ALOX5AP: variants seen among roughly 807,000 people sequenced by gnomAD.
ALOX5AP encodes the protein arachidonate 5-lipoxygenase activating protein.
A neutral mutation model predicts 18.5 loss-of-function variants in ALOX5AP; 9 were observed. The observed-to-expected ratio is 0.49, with a 90% confidence interval of 0.29 to 0.85. The LOEUF is 0.85. Ranked by LOEUF, ALOX5AP falls within the 40% of genes least tolerant of loss-of-function variation. The pLI, the probability that ALOX5AP is intolerant of heterozygous loss-of-function variation, is 0.08. For missense variants in ALOX5AP, 172 were observed against 202.5 expected, an observed-to-expected ratio of 0.85 and a Z score of 0.91; for synonymous variants, 81 against 78.6, an observed-to-expected ratio of 1.03 and a Z score of -0.16.
At chr13:30,743,913 T>A in intron 1 of ALOX5AP, 147 bp from the exon 2 acceptor site, 1 of 646,128 alleles carries the variant, frequency 1.5e-6, no homozygotes, top group Non-Finnish European at 2.8e-6. Context: ...GCTGAGTACG[T>A]TTCTGCTAAA....
At chr13:30,742,877 A>G (rs1452269625) in intron 1 of ALOX5AP, among the ~76,000 whole-genome samples, 1 of 30,918 alleles carries the variant, frequency 3.2e-5, no homozygotes, top group Non-Finnish European at 6.6e-5. Context: ...CCCACCCCCC[A>G]TCATCCAATC....
upstream of ALOX5AP, among the ~76,000 whole-genome samples, chr13:30,733,775 C>G (rs985824653): frequency 2.0e-5 from 3 of 152,190 alleles, no homozygotes; most frequent in African/African-American, 7.2e-5. Context: ...AGGGCAAATT[C>G]CCTCTTCTTC....
chr13:30,744,248 G>A (rs905441920), intron 2 of ALOX5AP, 89 bp downstream of exon 2: 6 of 1,185,284 alleles, frequency 5.1e-6, no homozygotes, highest in Non-Finnish European at 7.4e-6. Flanking sequence ...AATACCACAT[G>A]TCTGTCTGAG....
At chr13:30,725,421 G>A (rs2137792036) in intron 1 of ALOX5AP, among the ~76,000 whole-genome samples, 1 of 152,376 alleles carries the variant, frequency 6.6e-6, no homozygotes. Context: ...CTGTTGCCCA[G>A]TGGGCTTACA....
intron 1 of ALOX5AP, among the ~76,000 whole-genome samples, chr13:30,716,906 C>T (rs938820698): frequency 6.6e-6 from 1 of 152,224 alleles, no homozygotes; most frequent in Non-Finnish European, 1.5e-5. Flanking sequence ...ACATGGAGCC[C>T]CTACGGTCCT....
At chr13:30,725,289 C>G (rs2137791920) in intron 1 of ALOX5AP, among the ~76,000 whole-genome samples, 1 of 152,350 alleles carries the variant, frequency 6.6e-6, no homozygotes, top group Admixed American at 6.5e-5. Flanking sequence ...ACACACAAAA[C>G]ATGAGAATAT....
chr13:30,753,723 T>G (rs1164340590), intron 3 of ALOX5AP, among the ~76,000 whole-genome samples: 2 of 152,210 alleles, frequency 1.3e-5, no homozygotes, highest in Non-Finnish European at 2.9e-5. Flanking sequence ...TGTACCCTCC[T>G]GGTGCCAGCA....
chr13:30,752,251 G>A, intron 3 of ALOX5AP, 129 bp downstream of exon 3: 4 of 913,534 alleles, frequency 4.4e-6, no homozygotes, highest in Non-Finnish European at 6.8e-6. Flanking sequence ...CTGGAGAGGT[G>A]AGAGCCCTCG....
intron 2 of ALOX5AP, among the ~76,000 whole-genome samples, chr13:30,745,407 C>T (rs1450981202): frequency 6.6e-6 from 1 of 152,148 alleles, no homozygotes; most frequent in African/African-American, 2.4e-5. Context: ...GGCATTTTCC[C>T]TTTCAGACAG....
intron 2 of ALOX5AP, among the ~76,000 whole-genome samples, chr13:30,748,729 C>G (rs1400438650): frequency 6.6e-6 from 1 of 152,244 alleles, no homozygotes; most frequent in South Asian, 2.1e-4. Flanking sequence ...TGGCACTTCA[C>G]CTTGTTTCAT....
intron 2 of ALOX5AP, 73 bp from the exon 3 acceptor site, chr13:30,751,979 T>G (rs1235467932): frequency 7.3e-7 from 1 of 1,377,852 alleles, no homozygotes; most frequent in Non-Finnish European, 1.0e-6. Flanking sequence ...ACTTCAACTT[T>G]CAGGTAATTT....
At chr13:30,757,784 C>T (rs1004427500) in intron 4 of ALOX5AP, among the ~76,000 whole-genome samples, 1 of 152,122 alleles carries the variant, frequency 6.6e-6, no homozygotes, top group African/African-American at 2.4e-5. Context: ...AAAGGCTTTA[C>T]TAACTGATTC....
At chr13:30,747,187 T>G (rs936181424) in intron 2 of ALOX5AP, among the ~76,000 whole-genome samples, 3 of 152,240 alleles carry the variant, frequency 2.0e-5, no homozygotes, top group Non-Finnish European at 4.4e-5. Flanking sequence ...ATTAATTCAT[T>G]CTTTTGAAAG....
chr13:30,719,121 G>C (rs913897345), intron 1 of ALOX5AP, among the ~76,000 whole-genome samples: 2 of 152,126 alleles, frequency 1.3e-5, no homozygotes, highest in South Asian at 2.1e-4. Context: ...GTGCAATGAA[G>C]GGAAAGGGAC....
chr13:30,760,025 A>T (rs1951928348), intron 4 of ALOX5AP, among the ~76,000 whole-genome samples: 1 of 152,180 alleles, frequency 6.6e-6, no homozygotes, highest in South Asian at 2.1e-4. Flanking sequence ...GAAATGATTC[A>T]TTCATTTCAG....
chr13:30,731,666 GC>G (rs1951681617), upstream of ALOX5AP, among the ~76,000 whole-genome samples: 1 of 152,158 alleles, frequency 6.6e-6, no homozygotes, highest in African/African-American at 2.4e-5. Flanking sequence ...ACGGTGCCAG[GC>G]CCTTGACCAC....
intron 1 of ALOX5AP, 149 bp downstream of exon 1, chr13:30,735,824 A>G: frequency 9.8e-7 from 1 of 1,024,560 alleles, no homozygotes; most frequent in Non-Finnish European, 1.4e-6. Context: ...ATTTGAATGT[A>G]TAGGGTTGTG....
At chr13:30,719,904 T>TA in intron 1 of ALOX5AP, among the ~76,000 whole-genome samples, 1 of 152,034 alleles carries the variant, frequency 6.6e-6, no homozygotes, top group African/African-American at 2.4e-5. Context: ...GCTCTGTCAC[T>TA]AGGCTGGAGT....
intron 4 of ALOX5AP, among the ~76,000 whole-genome samples, chr13:30,760,190 C>G (rs961996235): frequency 1.3e-5 from 2 of 151,188 alleles, no homozygotes; most frequent in African/African-American, 4.9e-5. Flanking sequence ...ATTTTTAAAA[C>G]AAGAAGGGAC....
Sources: gnomAD v4.1 joint callset for allele counts (sites outside exome capture counted in the v4.1 genomes callset) on GRCh38, gnomAD v4.1.1 for gene constraint, MANE v1.5 for transcripts, NCBI Gene and HGNC (gene_info 2026-07-23, HGNC 2026-07-21) for gene names.